CBX1: variants seen among roughly 807,000 people sequenced by gnomAD.
CBX1 encodes the protein chromobox 1.
In CBX1, 10 loss-of-function variants were observed where a neutral mutation model predicts 25.1. The observed-to-expected ratio is 0.40, with a 90% confidence interval of 0.25 to 0.68. CBX1 has a LOEUF of 0.68. CBX1 is among the 30% of genes least tolerant of loss of function. The pLI is 0.40. For synonymous variants in CBX1, 63 were observed against 79.4 expected (o/e 0.79, Z 1.10); for missense variants, 106 against 218.5 (o/e 0.49, Z 3.25).
intron 1 of CBX1, among the ~76,000 whole-genome samples, chr17:48,094,807 G>C (rs1161888578): frequency 2.0e-5 from 3 of 151,334 alleles, no homozygotes; most frequent in Non-Finnish European, 2.9e-5. Flanking sequence ...AGTACTTTGG[G>C]AAGTCGAGGC....
chr17:48,073,169 T>C (rs539139615), intron 4 of CBX1, among the ~76,000 whole-genome samples: 6 of 151,860 alleles, frequency 4.0e-5, no homozygotes, highest in Non-Finnish European at 8.8e-5. Flanking sequence ...AGGAATGTCC[T>C]AGACAGAAGC....
chr17:48,071,995 A>ATTTT (rs5820681), intron 4 of CBX1, among the ~76,000 whole-genome samples: 3 of 121,390 alleles, frequency 2.5e-5, no homozygotes, highest in Non-Finnish European at 5.2e-5. Context: ...TTGTAATAGG[A>ATTTT]TTTTTTTTTT....
At chr17:48,072,451 C>T (rs1038003442) in intron 4 of CBX1, among the ~76,000 whole-genome samples, 10 of 152,082 alleles carry the variant, frequency 6.6e-5, no homozygotes, top group South Asian at 4.1e-4. Context: ...GTTTCAACAT[C>T]GGGAGTAGAA....
chr17:48,081,009 AAAAT>A (rs1395778201), intron 1 of CBX1, among the ~76,000 whole-genome samples: 1 of 114,524 alleles, frequency 8.7e-6, no homozygotes, highest in African/African-American at 3.3e-5. Flanking sequence ...TTGTCTTAGA[AAAAT>A]AAATAGCATT....
rs184327787 is a variant in CBX1 at position 48,075,897 on chromosome 17, G to A, written c.318+104C>T. Reference sequence around the variant, plus strand: ...GGCATTAGCCTACCTAAGATTTCAGGACTAAGAAGAGACAGCTGCTAATAT... The same window carrying A: ...GGCATTAGCCTACCTAAGATTTCAGAACTAAGAAGAGACAGCTGCTAATAT... On this transcript the variant is annotated intron_variant, in intron 3 of 4. Transcript: ENST00000225603. 10 of 840,630 alleles carry A rather than the reference G, an allele frequency of 1.2e-5. No homozygotes were observed. The African/African-American group carries it at 1.2e-4, about 10-fold the overall frequency. 52.1% of individuals were successfully genotyped at this position (840,630 alleles called of 1,614,324 possible). A position where few individuals can be genotyped will look rare whatever the true frequency, so the allele number is the denominator to read the frequency against.
chr17:48,097,905 C>T (rs2063384140), intron 1 of CBX1, among the ~76,000 whole-genome samples: 1 of 152,100 alleles, frequency 6.6e-6, no homozygotes, highest in Admixed American at 6.5e-5. Flanking sequence ...ATACAAAGGA[C>T]ACAGAAGATT....
At chr17:48,079,366 A>G (rs1275190045) in intron 1 of CBX1, among the ~76,000 whole-genome samples, 1 of 152,182 alleles carries the variant, frequency 6.6e-6, no homozygotes, top group Non-Finnish European at 1.5e-5. Flanking sequence ...ATGGCCTCCC[A>G]AAGTGCTGGG....
At chr17:48,076,757 G>T (rs2037678500) in intron 2 of CBX1, 108 bp downstream of exon 2, 2 of 923,384 alleles carry the variant, frequency 2.2e-6, no homozygotes, top group African/African-American at 1.7e-5. Flanking sequence ...AGCCATGAAG[G>T]TGGGGACTGA....
chr17:48,097,617 A>C (rs79667208), intron 1 of CBX1, among the ~76,000 whole-genome samples: 4 of 137,714 alleles, frequency 2.9e-5, no homozygotes, highest in Admixed American at 1.4e-4. Flanking sequence ...ACTCTGTCTC[A>C]AAAAAAAAAA....
rs1426737975 is a variant in CBX1 at position 48,070,499 on chromosome 17, C to CA, written c.*935_*936insT. 6.6e-6 allele frequency: 1 copy of CA among 152,666 alleles called. No individual in the cohort carries two copies. The highest frequency in any genetic ancestry group is 2.4e-5 in the African/African-American group (1 of 41,458). The allele number at this position is 152,666 out of a possible 1,614,324, so 9.5% of individuals were successfully genotyped here. A position where few individuals can be genotyped will look rare whatever the true frequency, so the allele number is the denominator to read the frequency against. The stretch of plus-strand genomic sequence containing the variant: ...GAGCATGGGCCCTTGTCTTTCCCTA[C>CA]TGTCTTACCTCCTCTACCACCCTCT... On this transcript the variant is annotated 3_prime_UTR_variant, in exon 5 of 5. Transcript: ENST00000225603.
intron 1 of CBX1, among the ~76,000 whole-genome samples, chr17:48,085,690 A>T (rs1450157396): frequency 6.6e-6 from 1 of 152,196 alleles, no homozygotes; most frequent in African/African-American, 2.4e-5. Flanking sequence ...TTTTAAATTG[A>T]CAAGTGCTAC....
chr17:48,101,163 G>A, intron 1 of CBX1, 105 bp downstream of exon 1: 3 of 986,670 alleles, frequency 3.0e-6, no homozygotes, highest in Non-Finnish European at 3.6e-6. Flanking sequence ...CGCGCTCCCC[G>A]CTCCTAACCT....
At chr17:48,093,808 A>C (rs1296033111) in intron 1 of CBX1, among the ~76,000 whole-genome samples, 2 of 152,312 alleles carry the variant, frequency 1.3e-5, no homozygotes, top group East Asian at 3.9e-4. Context: ...AGCTTTGCTC[A>C]TCTATTAAGT....
At chr17:48,090,307 T>C (rs1001158154) in intron 1 of CBX1, among the ~76,000 whole-genome samples, 1 of 152,152 alleles carries the variant, frequency 6.6e-6, no homozygotes, top group Non-Finnish European at 1.5e-5. Context: ...AGATTGTGAT[T>C]TCAACCTCAG....
At chr17:48,097,602 G>A (rs1296431648) in intron 1 of CBX1, among the ~76,000 whole-genome samples, 1 of 150,076 alleles carries the variant, frequency 6.7e-6, no homozygotes, top group South Asian at 2.1e-4. Context: ...TGGCGACAGA[G>A]CGAGACTCTG....
intron 2 of CBX1, among the ~76,000 whole-genome samples, chr17:48,076,644 C>G (rs571410399): frequency 1.3e-5 from 2 of 152,256 alleles, no homozygotes; most frequent in Admixed American, 1.3e-4. Context: ...GTACTCCAGC[C>G]TGGGTGACAG....
chr17:48,088,911 A>T (rs903598434), intron 1 of CBX1: 1 of 140,498 alleles, frequency 7.1e-6, no homozygotes, highest in East Asian at 2.3e-4. Context: ...CTGTTTTGAC[A>T]TTGGCAGCGA....
At chr17:48,088,262 G>C (rs1460668561) in intron 1 of CBX1, 2 of 151,082 alleles carry the variant, frequency 1.3e-5, no homozygotes, top group Admixed American at 6.6e-5. Context: ...AGTGTGCCAA[G>C]ATCGCGCCAC....
intron 1 of CBX1, among the ~76,000 whole-genome samples, chr17:48,077,461 T>G (rs571639737): frequency 1.3e-4 from 20 of 148,568 alleles, no homozygotes; most frequent in African/African-American, 5.0e-4. Context: ...TTTGTTTTTT[T>G]TTTTTTAGTA....
Sources: gnomAD v4.1 joint callset for allele counts (sites outside exome capture counted in the v4.1 genomes callset) on GRCh38, gnomAD v4.1.1 for gene constraint, MANE v1.5 for transcripts, NCBI Gene and HGNC (gene_info 2026-07-23, HGNC 2026-07-21) for gene names.